BTBD9: variants seen among roughly 807,000 people sequenced by gnomAD.
BTBD9 encodes the protein BTB/POZ domain-containing protein 9.
BTBD9 carries 49 observed loss-of-function variants against 64.3 expected under a neutral mutation model. The observed-to-expected ratio is 0.76, with a 90% confidence interval of 0.61 to 0.97. BTBD9 has a LOEUF of 0.97. BTBD9 is among the 50% of genes least tolerant of loss of function. BTBD9 has a pLI of 0.00. For missense variants in BTBD9, 598 were observed against 762.1 expected, an observed-to-expected ratio of 0.78 and a Z score of 2.53; for synonymous variants, 260 against 274.7, an observed-to-expected ratio of 0.95 and a Z score of 0.53.
intron 10 of BTBD9, among the ~76,000 whole-genome samples, chr6:38,176,340 CTTCAA>C (rs777582082): frequency 8.5e-5 from 13 of 152,356 alleles, no homozygotes; most frequent in South Asian, 2.1e-4. Context: ...CATATTCCCA[CTTCAA>C]TTCATTTATT....
At chr6:38,322,645 C>T (rs1298475488) in intron 7 of BTBD9, among the ~76,000 whole-genome samples, 1 of 152,194 alleles carries the variant, frequency 6.6e-6, no homozygotes, top group African/African-American at 2.4e-5. Context: ...ATTTACCGCT[C>T]CATTTTGGGG....
At chr6:38,362,813 A>G (rs961373700) in intron 6 of BTBD9, among the ~76,000 whole-genome samples, 1 of 152,212 alleles carries the variant, frequency 6.6e-6, no homozygotes, top group African/African-American at 2.4e-5. Flanking sequence ...TAAATACAAC[A>G]GAATTAAATA....
chr6:38,580,144 AACAAAAGTAGATGACC>A, intron 5 of BTBD9, 58 bp downstream of exon 5: 1 of 1,421,948 alleles, frequency 7.0e-7, no homozygotes, highest in South Asian at 1.3e-5. Flanking sequence ...ATATCTGTAA[AACAAAAGTAGATGACC>A]ACAAAGCTAA....
At chr6:38,368,493 C>A (rs1013046039) in intron 6 of BTBD9, among the ~76,000 whole-genome samples, 1 of 152,020 alleles carries the variant, frequency 6.6e-6, no homozygotes, top group Non-Finnish European at 1.5e-5. Context: ...TGCCACTGTG[C>A]CTGGCTAATT....
At chr6:38,448,540 C>G (rs1246530582) in intron 6 of BTBD9, among the ~76,000 whole-genome samples, 1 of 152,132 alleles carries the variant, frequency 6.6e-6, no homozygotes, top group Non-Finnish European at 1.5e-5. Flanking sequence ...TTGAGACAGT[C>G]TCGCTTTGTC....
At chr6:38,406,838 A>G (rs962845625) in intron 6 of BTBD9, among the ~76,000 whole-genome samples, 18 of 152,300 alleles carry the variant, frequency 1.2e-4, no homozygotes, top group African/African-American at 4.3e-4. Flanking sequence ...CCTGGGCTCT[A>G]GCAATCCTCC....
intron 6 of BTBD9, among the ~76,000 whole-genome samples, chr6:38,434,706 A>G (rs1340938216): frequency 6.6e-6 from 1 of 152,006 alleles, no homozygotes; most frequent in Non-Finnish European, 1.5e-5. Flanking sequence ...ATTCAAATTC[A>G]AATAGCTTTC....
chr6:38,217,841 C>T (rs988260827), intron 9 of BTBD9, among the ~76,000 whole-genome samples: 5 of 152,034 alleles, frequency 3.3e-5, no homozygotes, highest in African/African-American at 7.2e-5. Context: ...CAGGGAGCTG[C>T]GCAAGTCAAA....
intron 1 of BTBD9, among the ~76,000 whole-genome samples, 152 bp downstream of exon 1, chr6:38,639,648 C>A (rs1206557466): frequency 6.6e-6 from 1 of 152,144 alleles, no homozygotes; most frequent in Non-Finnish European, 1.5e-5. Context: ...CAAGAAATGA[C>A]CCTCGTCAGG....
At chr6:38,335,615 G>A (rs1034916362) in intron 7 of BTBD9, among the ~76,000 whole-genome samples, 1 of 151,842 alleles carries the variant, frequency 6.6e-6, no homozygotes, top group Non-Finnish European at 1.5e-5. Context: ...GCCAAGGCTG[G>A]AGTGCAGCAG....
chr6:38,539,427 ACT>A (rs1774165523), intron 6 of BTBD9, among the ~76,000 whole-genome samples: 2 of 152,290 alleles, frequency 1.3e-5, no homozygotes, highest in African/African-American at 2.4e-5. Flanking sequence ...AGAATCTGAG[ACT>A]CTGGTGTGTA....
At chr6:38,192,422 T>G (rs1762114391) in intron 10 of BTBD9, 97 bp downstream of exon 10, 16 of 1,115,252 alleles carry the variant, frequency 1.4e-5, no homozygotes, top group Non-Finnish European at 1.9e-5. Flanking sequence ...AGCAGGCCAT[T>G]AGCAGGCAGA....
rs1761595101 is a variant in BTBD9, at chr6:38,182,334, C to T, written c.1642-7152G>A. On this transcript the variant is annotated intron_variant, in intron 10 of 10. Transcript: ENST00000481247. ...GCCCTGTTTTTTATGTGTGTACACT[C>T]CAGAGTTCCAGGGAGAGAGTTACTT... 5.3e-5 allele frequency among the ~76,000 whole-genome samples: 8 copies of T among 152,286 alleles called. No individual in the cohort carries two copies. In the South Asian group the frequency reaches 1.7e-3, roughly 32 times the overall value.
chr6:38,433,225 T>C (rs1470295072), intron 6 of BTBD9, among the ~76,000 whole-genome samples: 1 of 151,890 alleles, frequency 6.6e-6, no homozygotes, highest in African/African-American at 2.4e-5. Context: ...GATTTTTACT[T>C]GCCTAATTCC....
intron 1 of BTBD9, among the ~76,000 whole-genome samples, chr6:38,639,294 G>A (rs907160002): frequency 6.6e-6 from 1 of 152,188 alleles, no homozygotes. Context: ...GCCCTCCCAA[G>A]GTCGTGGGTG....
At chr6:38,540,689 T>A (rs1774230942) in intron 6 of BTBD9, among the ~76,000 whole-genome samples, 1 of 152,210 alleles carries the variant, frequency 6.6e-6, no homozygotes, top group African/African-American at 2.4e-5. Flanking sequence ...GTGCAAACTT[T>A]ATAAAGATTT....
intron 6 of BTBD9, among the ~76,000 whole-genome samples, chr6:38,446,962 A>G (rs960469029): frequency 2.0e-5 from 3 of 152,234 alleles, no homozygotes; most frequent in African/African-American, 7.2e-5. Context: ...CTAATTAGAA[A>G]GTCTGAATGA....
chr6:38,553,481 C>T (rs1209392331), intron 6 of BTBD9, among the ~76,000 whole-genome samples: 2 of 152,188 alleles, frequency 1.3e-5, no homozygotes, highest in Non-Finnish European at 2.9e-5. Flanking sequence ...TGGAAAAGAA[C>T]AAACTGGTTA....
At chr6:38,409,765 A>T (rs2127255924) in intron 6 of BTBD9, among the ~76,000 whole-genome samples, 1 of 152,252 alleles carries the variant, frequency 6.6e-6, no homozygotes, top group South Asian at 2.1e-4. Flanking sequence ...TAAAGGTTGC[A>T]GTGAGCCGAG....
Sources: allele counts gnomAD v4.1 joint callset (sites outside exome capture counted in the v4.1 genomes callset), GRCh38; gene constraint gnomAD v4.1.1; transcripts MANE v1.5; gene names NCBI Gene and HGNC (gene_info 2026-07-23, HGNC 2026-07-21).